Variants in GADL1 observed in about 807,000 individuals in gnomAD.
GADL1 encodes GAD like acidic amino acid decarboxylase 1, also known as acidic amino acid decarboxylase GADL1.
Under a neutral mutation model 69.5 loss-of-function variants are expected in GADL1, and 71 were observed. The ratio of observed to expected loss-of-function variants is 1.02; its 90% CI spans 0.84 to 1.25. The LOEUF is 1.25. Ranked by LOEUF, GADL1 falls within the 50% of genes most tolerant of loss-of-function variation. The probability of loss-of-function intolerance (pLI) is 0.00; values close to 1 mark genes in which losing one functional copy is unlikely to be tolerated. For missense variants in GADL1, 737 were observed against 631.8 expected (o/e 1.17, Z -1.79); for synonymous variants, 254 against 214.4 (o/e 1.18, Z -1.62).
intron 1 of GADL1, among the ~76,000 whole-genome samples, chr3:30,869,718 A>G (rs890921294): frequency 6.6e-6 from 1 of 151,844 alleles, no homozygotes; most frequent in African/African-American, 2.4e-5. Context: ...GCTGAAATCC[A>G]CAGTGAGCAG....
intron 11 of GADL1, among the ~76,000 whole-genome samples, chr3:30,817,872 G>C (rs1425538502): frequency 6.6e-6 from 1 of 152,220 alleles, no homozygotes; most frequent in Non-Finnish European, 1.5e-5. Context: ...ATAATGAAAT[G>C]TACTGGGAAG....
intron 11 of GADL1, among the ~76,000 whole-genome samples, chr3:30,802,069 T>C (rs552949109): frequency 6.6e-6 from 1 of 152,216 alleles, no homozygotes; most frequent in Non-Finnish European, 1.5e-5. Flanking sequence ...ACACTAAACA[T>C]AGCCTGCCTT....
chr3:30,878,896 A>AT (rs754492802), intron 1 of GADL1, among the ~76,000 whole-genome samples: 1 of 151,918 alleles, frequency 6.6e-6, no homozygotes, highest in East Asian at 1.9e-4. Context: ...TTAAAACATG[A>AT]TATATAGTAA....
At chr3:30,887,037 G>A (rs925949536) in intron 1 of GADL1, among the ~76,000 whole-genome samples, 7 of 152,156 alleles carry the variant, frequency 4.6e-5, no homozygotes, top group East Asian at 1.9e-4. Flanking sequence ...AAGGAAGCTC[G>A]ACCTCAGAAC....
At chr3:30,834,865 G>T (rs1697849301) in intron 9 of GADL1, among the ~76,000 whole-genome samples, 1 of 152,106 alleles carries the variant, frequency 6.6e-6, no homozygotes, top group Non-Finnish European at 1.5e-5. Context: ...TGTGAGCAAA[G>T]GAGAGGGGAG....
intron 14 of GADL1, among the ~76,000 whole-genome samples, chr3:30,766,613 G>A (rs1012132118): frequency 6.6e-6 from 1 of 152,086 alleles, no homozygotes; most frequent in Non-Finnish European, 1.5e-5. Flanking sequence ...GTACCAAAAG[G>A]CACACCACAA....
intron 13 of GADL1, among the ~76,000 whole-genome samples, chr3:30,784,469 C>G (rs1696746168): frequency 6.6e-6 from 1 of 152,146 alleles, no homozygotes; most frequent in Non-Finnish European, 1.5e-5. Flanking sequence ...AATTTTTAAT[C>G]ATTTTGGTAT....
chr3:30,825,359 T>G (rs568562762), intron 11 of GADL1, among the ~76,000 whole-genome samples: 1 of 151,958 alleles, frequency 6.6e-6, no homozygotes, highest in Non-Finnish European at 1.5e-5. Flanking sequence ...TAAAATCTAT[T>G]TTCAACTTCT....
intron 12 of GADL1, chr3:30,800,509 T>A: frequency 5.2e-6 from 1 of 193,152 alleles, no homozygotes; most frequent in Non-Finnish European, 1.1e-5. Context: ...AGATCTCAGT[T>A]GAAAGTCACT....
intron 6 of GADL1, among the ~76,000 whole-genome samples, chr3:30,846,623 G>A (rs1178239481): frequency 1.3e-5 from 2 of 152,092 alleles, no homozygotes; most frequent in Non-Finnish European, 2.9e-5. Flanking sequence ...TGGTAGAATG[G>A]GGTACATAAA....
chr3:30,746,005 T>TTC (rs1215287262), intron 14 of GADL1, among the ~76,000 whole-genome samples: 5 of 142,416 alleles, frequency 3.5e-5, no homozygotes, highest in Non-Finnish European at 7.7e-5. Flanking sequence ...TCTTTTTTCC[T>TTC]TTTATTGCAC....
chr3:30,737,945 T>C (rs552426453), intron 14 of GADL1, among the ~76,000 whole-genome samples: 3 of 152,202 alleles, frequency 2.0e-5, no homozygotes, highest in Admixed American at 6.5e-5. Context: ...ATAGTGACAA[T>C]GATGACAGCA....
chr3:30,802,181 G>A (rs543656666), intron 11 of GADL1, among the ~76,000 whole-genome samples: 65 of 152,188 alleles, frequency 4.3e-4, no homozygotes, highest in African/African-American at 1.5e-3. Flanking sequence ...ACTGGTATTT[G>A]GCTGCATTTG....
chr3:30,747,412 G>C (rs1695723286), intron 14 of GADL1, among the ~76,000 whole-genome samples: 1 of 152,044 alleles, frequency 6.6e-6, no homozygotes, highest in African/African-American at 2.4e-5. Flanking sequence ...CTGAATACTA[G>C]AGAAGGAAGG....
chr3:30,886,234 A>G (rs1698707311), intron 1 of GADL1, among the ~76,000 whole-genome samples: 1 of 152,152 alleles, frequency 6.6e-6, no homozygotes, highest in Non-Finnish European at 1.5e-5. Flanking sequence ...AATAGATAAA[A>G]TGACTTCATG....
At chr3:30,840,499 A>G (rs966058016) in intron 8 of GADL1, among the ~76,000 whole-genome samples, 2 of 152,190 alleles carry the variant, frequency 1.3e-5, no homozygotes, top group African/African-American at 4.8e-5. Context: ...TATTCAAACT[A>G]CTGACAACTA....
chr3:30,822,326 T>C (rs1697596724), intron 11 of GADL1, among the ~76,000 whole-genome samples: 2 of 152,104 alleles, frequency 1.3e-5, no homozygotes, highest in Non-Finnish European at 2.9e-5. Flanking sequence ...GCAAATTTTG[T>C]TATAGGAGGA....
At chr3:30,729,382 G>C (rs1695421156) in intron 14 of GADL1, among the ~76,000 whole-genome samples, 1 of 152,164 alleles carries the variant, frequency 6.6e-6, no homozygotes, top group African/African-American at 2.4e-5. Flanking sequence ...TTTTAACTCT[G>C]AAAACTTTTT....
At position 30,844,270 on chromosome 3, in the gene GADL1, G is replaced by A. The variant is rs753065035; in HGVS notation, c.732-6C>T. ...CCTCAGGTATCATTTTACCTCTAAGGGACAAAGATTTGAGACTTTCAGTTA... is the reference window on the plus strand; with the variant it reads ...CCTCAGGTATCATTTTACCTCTAAGAGACAAAGATTTGAGACTTTCAGTTA... On this transcript the variant is annotated splice_polypyrimidine_tract_variant and splice_region_variant and intron_variant, in intron 7 of 14. Transcript: ENST00000282538. 2.5e-6 allele frequency: 4 copies of A among 1,610,174 alleles called. No homozygotes were observed. Among genetic ancestry groups the A allele is most frequent in the African/African-American group, 2.7e-5 (2 of 74,654 alleles).
Sources: gnomAD v4.1 joint callset for allele counts (sites outside exome capture counted in the v4.1 genomes callset) on GRCh38, gnomAD v4.1.1 for gene constraint, MANE v1.5 for transcripts, NCBI Gene and HGNC (gene_info 2026-07-23, HGNC 2026-07-21) for gene names.